CADPS: variants seen among roughly 807,000 people sequenced by gnomAD.
CADPS encodes calcium dependent secretion activator, also known as calcium-dependent secretion activator 1.
A neutral mutation model predicts 167.3 loss-of-function variants in CADPS; 57 were observed. That is an observed-to-expected ratio of 0.34 (90% CI 0.28 to 0.42). The LOEUF (loss-of-function observed/expected upper bound fraction) is 0.42, where lower values mean the gene tolerates loss of function less well. Ranked by LOEUF, CADPS falls within the 20% of genes least tolerant of loss-of-function variation. The pLI is 1.00. For synonymous variants in CADPS, 676 were observed against 635.3 expected (o/e 1.06, Z -0.96); for missense variants, 1,414 against 1,738.1 (o/e 0.81, Z 3.32).
intron 9 of CADPS, among the ~76,000 whole-genome samples, chr3:62,560,958 A>C (rs1053075755): frequency 6.6e-6 from 1 of 151,938 alleles, no homozygotes; most frequent in African/African-American, 2.4e-5. Flanking sequence ...AGACTCCTGT[A>C]ATCTCAGCTA....
chr3:62,427,105 G>A (rs1351432701), intron 28 of CADPS, among the ~76,000 whole-genome samples: 1 of 151,650 alleles, frequency 6.6e-6, no homozygotes, highest in East Asian at 1.9e-4. Flanking sequence ...AGTTGACAGG[G>A]CACCTTTCAG....
At chr3:62,554,976 C>A (rs1331932253) in intron 10 of CADPS, among the ~76,000 whole-genome samples, 2 of 152,130 alleles carry the variant, frequency 1.3e-5, no homozygotes, top group Admixed American at 6.5e-5. Flanking sequence ...TGGTCTCGAA[C>A]CCCTGACCTC....
At chr3:62,505,548 T>C (rs543221692) in intron 17 of CADPS, among the ~76,000 whole-genome samples, 2 of 152,304 alleles carry the variant, frequency 1.3e-5, no homozygotes, top group Admixed American at 6.5e-5. Flanking sequence ...AAGGCAGCCT[T>C]CAGTCCCTTT....
chr3:62,722,268 T>C (rs954887138), intron 3 of CADPS, among the ~76,000 whole-genome samples: 4 of 152,240 alleles, frequency 2.6e-5, no homozygotes, highest in Admixed American at 2.0e-4. Flanking sequence ...AAGACGGCCA[T>C]GCCGACTTGG....
chr3:62,730,761 C>T (rs2077618534), intron 3 of CADPS, among the ~76,000 whole-genome samples: 1 of 152,198 alleles, frequency 6.6e-6, no homozygotes. Flanking sequence ...CAATGAGTTG[C>T]ATACTTTCCT....
intron 13 of CADPS, among the ~76,000 whole-genome samples, chr3:62,525,129 A>G (rs1218059340): frequency 6.6e-6 from 1 of 152,140 alleles, no homozygotes; most frequent in Non-Finnish European, 1.5e-5. Flanking sequence ...GGAAAAACAC[A>G]TTATCTGATG....
intron 8 of CADPS, among the ~76,000 whole-genome samples, chr3:62,582,742 T>G (rs1393345722): frequency 6.6e-6 from 1 of 152,204 alleles, no homozygotes; most frequent in Non-Finnish European, 1.5e-5. Flanking sequence ...AATTTTAAAA[T>G]GGAAGTCCAG....
intron 4 of CADPS, among the ~76,000 whole-genome samples, chr3:62,653,605 C>G (rs963121889): frequency 3.3e-5 from 5 of 152,034 alleles, no homozygotes; most frequent in African/African-American, 1.2e-4. Flanking sequence ...TCTTAATACT[C>G]CTGTTGAATT....
chr3:62,613,017 T>G (rs577546047), intron 6 of CADPS, among the ~76,000 whole-genome samples: 1 of 151,642 alleles, frequency 6.6e-6, no homozygotes, highest in Admixed American at 6.6e-5. Flanking sequence ...TAGAACAGAG[T>G]CAGGACACAG....
chr3:62,494,675 T>TTTTTTTC (rs2064344097), intron 18 of CADPS, among the ~76,000 whole-genome samples: 1 of 148,354 alleles, frequency 6.7e-6, no homozygotes, highest in Non-Finnish European at 1.5e-5. Context: ...AGCAATTTTT[T>TTTTTTTC]TTTTTTTTTT....
chr3:62,815,685 C>CT (rs1162126091), intron 1 of CADPS, among the ~76,000 whole-genome samples: 1 of 152,096 alleles, frequency 6.6e-6, no homozygotes, highest in African/African-American at 2.4e-5. Flanking sequence ...CTGCTTCTAC[C>CT]TTTTTGAGTT....
chr3:62,754,260 C>T (rs1000026559), intron 2 of CADPS, among the ~76,000 whole-genome samples: 1 of 152,214 alleles, frequency 6.6e-6, no homozygotes, highest in African/African-American at 2.4e-5. Context: ...GTAACCTCCA[C>T]CTCCCAGGCT....
intron 1 of CADPS, among the ~76,000 whole-genome samples, chr3:62,868,389 C>G (rs1237906732): frequency 1.3e-5 from 2 of 152,036 alleles, no homozygotes; most frequent in Admixed American, 1.3e-4. Flanking sequence ...AAGTGATTAA[C>G]ATTCTATTAT....
At chr3:62,548,794 T>C (rs755358) in intron 11 of CADPS, among the ~76,000 whole-genome samples, 17,562 of 152,294 alleles carry the variant, frequency 0.12, 1,042 homozygotes, top group Middle Eastern at 0.16. Context: ...GCTGACTACC[T>C]ATCCTTTGAA....
intron 6 of CADPS, among the ~76,000 whole-genome samples, chr3:62,628,147 T>C (rs1055386917): frequency 6.6e-6 from 1 of 152,148 alleles, no homozygotes; most frequent in Non-Finnish European, 1.5e-5. Context: ...CATATCCAGA[T>C]TGGAGAGAAA....
chr3:62,497,179 G>T (rs1298722918), intron 18 of CADPS, among the ~76,000 whole-genome samples: 1 of 152,154 alleles, frequency 6.6e-6, no homozygotes, highest in Non-Finnish European at 1.5e-5. Flanking sequence ...CCCTCCTTTG[G>T]TGTTTCTTTT....
chr3:62,521,167 G>A (rs2070468891), intron 13 of CADPS, among the ~76,000 whole-genome samples: 1 of 152,094 alleles, frequency 6.6e-6, no homozygotes, highest in African/African-American at 2.4e-5. Flanking sequence ...CAAGTTTACT[G>A]GTGCTGCTAG....
intron 1 of CADPS, among the ~76,000 whole-genome samples, chr3:62,839,773 A>G (rs1465098947): frequency 6.6e-6 from 1 of 152,240 alleles, no homozygotes; most frequent in East Asian, 1.9e-4. Context: ...AACTGGATTC[A>G]TGGCTCAGGG....
intron 1 of CADPS, among the ~76,000 whole-genome samples, chr3:62,854,663 T>C (rs573459309): frequency 2.0e-5 from 3 of 152,266 alleles, no homozygotes; most frequent in East Asian, 3.9e-4. Context: ...TTGGCTGGGA[T>C]TGTGTAGTCG....
Sources: allele counts gnomAD v4.1 joint callset (sites outside exome capture counted in the v4.1 genomes callset), GRCh38; gene constraint gnomAD v4.1.1; transcripts MANE v1.5; gene names NCBI Gene and HGNC (gene_info 2026-07-23, HGNC 2026-07-21).